CCDC171: variants seen among roughly 807,000 people sequenced by gnomAD.
CCDC171 encodes the protein coiled-coil domain-containing protein 171.
A neutral mutation model predicts 168.2 loss-of-function variants in CCDC171; 177 were observed. That is an observed-to-expected ratio of 1.05 (90% CI 0.93 to 1.19). The LOEUF is 1.19. Among genes scored for constraint, CCDC171 ranks in the 50% most tolerant of loss-of-function variants. CCDC171 has a pLI of 0.00. For synonymous variants in CCDC171, 687 were observed against 540.8 expected, an observed-to-expected ratio of 1.27 and a Z score of -3.75; for missense variants, 1,991 against 1,539.0, an observed-to-expected ratio of 1.29 and a Z score of -4.91.
At chr9:16,041,501 A>G (rs1026345213), upstream of CCDC171, among the ~76,000 whole-genome samples, 12 of 152,236 alleles carry the variant, frequency 7.9e-5, no homozygotes, top group African/African-American at 2.9e-4. Context: ...TGGTAAAGGG[A>G]GGGCAATGAA....
chr9:15,998,497 C>T (rs749412927), intron 3 of CCDC171, among the ~76,000 whole-genome samples: 6 of 152,128 alleles, frequency 3.9e-5, no homozygotes, highest in Non-Finnish European at 7.4e-5. Context: ...GGAGGAAAGG[C>T]GAGTCCATAC....
the CCDC171 span, among the ~76,000 whole-genome samples, chr9:16,071,174 T>C: frequency 6.6e-6 from 1 of 152,166 alleles, no homozygotes; most frequent in East Asian, 1.9e-4. Context: ...ATGGCATTGT[T>C]TGAGACCTGA....
At chr9:15,878,157 G>C (rs1014547396) in intron 24 of CCDC171, among the ~76,000 whole-genome samples, 1 of 152,208 alleles carries the variant, frequency 6.6e-6, no homozygotes, top group South Asian at 2.1e-4. Context: ...AAGAGCTTCT[G>C]TACAGCAAAA....
intron 1 of CCDC171, among the ~76,000 whole-genome samples, chr9:16,046,483 A>C (rs1833661702): frequency 6.6e-6 from 1 of 152,198 alleles, no homozygotes; most frequent in African/African-American, 2.4e-5. Context: ...AATTCAGTGG[A>C]CATATTTTTC....
chr9:15,684,404 T>C (rs1487735348), intron 10 of CCDC171, among the ~76,000 whole-genome samples: 1 of 152,056 alleles, frequency 6.6e-6, no homozygotes, highest in African/African-American at 2.4e-5. Context: ...ATTTTTAACC[T>C]TATTAAAATT....
At chr9:16,067,268 A>T in the CCDC171 span, among the ~76,000 whole-genome samples, 1 of 151,720 alleles carries the variant, frequency 6.6e-6, no homozygotes, top group South Asian at 2.1e-4. Flanking sequence ...TTCTTTTGAG[A>T]AGTGTCTGTT....
At chr9:15,644,021 A>T (rs2046840617) in intron 7 of CCDC171, among the ~76,000 whole-genome samples, 1 of 152,180 alleles carries the variant, frequency 6.6e-6, no homozygotes, top group South Asian at 2.1e-4. Context: ...TGTTATAAAA[A>T]ATGGTGCTAT....
chr9:15,710,255 G>A (rs1365152997), intron 11 of CCDC171, among the ~76,000 whole-genome samples: 2 of 151,994 alleles, frequency 1.3e-5, no homozygotes, highest in East Asian at 3.8e-4. Flanking sequence ...AGATATTATG[G>A]TTGGCTGATT....
At chr9:15,787,831 A>T (rs935390567) in intron 21 of CCDC171, among the ~76,000 whole-genome samples, 6 of 152,098 alleles carry the variant, frequency 3.9e-5, no homozygotes, top group African/African-American at 1.2e-4. Flanking sequence ...TGTTACTTTA[A>T]TTTGTATTTC....
intron 3 of CCDC171, among the ~76,000 whole-genome samples, chr9:15,984,165 C>T (rs1376428775): frequency 1.3e-5 from 2 of 152,220 alleles, no homozygotes; most frequent in Non-Finnish European, 2.9e-5. Flanking sequence ...GACCCTGGAC[C>T]AAATGTGAGG....
chr9:15,901,300 A>G (rs2131633540), intron 24 of CCDC171, among the ~76,000 whole-genome samples: 1 of 152,304 alleles, frequency 6.6e-6, no homozygotes, highest in East Asian at 1.9e-4. Context: ...TAAAACCCAT[A>G]GAATGTCCAA....
At chr9:16,075,787 C>A in the CCDC171 span, among the ~76,000 whole-genome samples, 1 of 152,102 alleles carries the variant, frequency 6.6e-6, no homozygotes, top group Admixed American at 6.5e-5. Flanking sequence ...TCTCTAGTGG[C>A]AACCCATTAA....
chr9:15,809,472 T>C (rs2059233182), intron 21 of CCDC171, among the ~76,000 whole-genome samples: 1 of 152,104 alleles, frequency 6.6e-6, no homozygotes, highest in Admixed American at 6.5e-5. Flanking sequence ...AAAGATGGTG[T>C]GTCTGGAGTT....
intron 8 of CCDC171, among the ~76,000 whole-genome samples, chr9:15,657,552 C>G (rs548633370): frequency 6.6e-6 from 1 of 152,200 alleles, no homozygotes; most frequent in East Asian, 1.9e-4. Context: ...TTGGAGTGTT[C>G]TTTTACGGCT....
chr9:15,929,351 T>C (rs1826240367), intron 25 of CCDC171, among the ~76,000 whole-genome samples: 1 of 151,774 alleles, frequency 6.6e-6, no homozygotes, highest in South Asian at 2.1e-4. Context: ...TTGAGTTCTT[T>C]AAGGGTTTCA....
chr9:16,050,049 G>A (rs997811866), intron 1 of CCDC171, among the ~76,000 whole-genome samples: 1 of 152,126 alleles, frequency 6.6e-6, no homozygotes, highest in African/African-American at 2.4e-5. Flanking sequence ...ACCACACCTG[G>A]CTAATTTTTG....
At chr9:15,818,571 C>T (rs1255863467) in intron 21 of CCDC171, among the ~76,000 whole-genome samples, 1 of 117,718 alleles carries the variant, frequency 8.5e-6, no homozygotes, top group Non-Finnish European at 1.9e-5. Flanking sequence ...GTAGCTGATT[C>T]GATCAACTAG....
intron 6 of CCDC171, among the ~76,000 whole-genome samples, chr9:15,611,601 T>C (rs1271585024): frequency 6.6e-6 from 1 of 152,186 alleles, no homozygotes; most frequent in Non-Finnish European, 1.5e-5. Context: ...TTAATCTCCT[T>C]ATTTTTAATA....
intron 19 of CCDC171, among the ~76,000 whole-genome samples, 200 bp downstream of exon 19, chr9:15,778,026 G>T (rs1490871933): frequency 6.6e-6 from 1 of 152,090 alleles, no homozygotes; most frequent in Non-Finnish European, 1.5e-5. Flanking sequence ...GGCCGGGCGC[G>T]GTGGCTCACG....
Sources: allele counts gnomAD v4.1 joint callset (sites outside exome capture counted in the v4.1 genomes callset), GRCh38; gene constraint gnomAD v4.1.1; transcripts MANE v1.5; gene names NCBI Gene and HGNC (gene_info 2026-07-23, HGNC 2026-07-21).